MBOAT2: variants seen among roughly 807,000 people sequenced by gnomAD.
The protein encoded by MBOAT2 is membrane-bound glycerophospholipid O-acyltransferase 2.
In MBOAT2, 28 loss-of-function variants were observed where a neutral mutation model predicts 63.4. The ratio of observed to expected loss-of-function variants is 0.44; its 90% CI spans 0.33 to 0.61. The LOEUF is 0.61. Among genes scored for constraint, MBOAT2 ranks in the 20% least tolerant of loss-of-function variants. The pLI is 0.03. For synonymous variants in MBOAT2, 211 were observed against 215.6 expected (o/e 0.98, Z 0.19); for missense variants, 470 against 605.8 (o/e 0.78, Z 2.35).
At chr2:8,868,586 C>T (rs773255674) in intron 8 of MBOAT2, 37 bp from the exon 9 acceptor site, 2 of 1,502,362 alleles carry the variant, frequency 1.3e-6, no homozygotes, top group Non-Finnish European at 1.8e-6. Context: ...TATTAAGAAT[C>T]TCCATAACAA....
Position 8,943,165 on chromosome 2 carries a change from T to C in MBOAT2, c.299+22A>G, listed in dbSNP as rs748587899. 7.8e-6 allele frequency: 11 copies of C among 1,411,970 alleles called. No individual in the cohort carries two copies. In the African/African-American group the frequency reaches 1.3e-4, roughly 17 times the overall value. The allele number at this position is 1,411,970 out of a possible 1,614,324, so 87.5% of individuals were successfully genotyped here. A position where few individuals can be genotyped will look rare whatever the true frequency, so the allele number is the denominator to read the frequency against. On this transcript the variant is annotated intron_variant, in intron 3 of 12. Transcript: ENST00000305997. ...TATTCAAGTGAAATATATATTTTCA[T>C]GTGAACAAAGTGAATACTTACTTGT...
intron 12 of MBOAT2, among the ~76,000 whole-genome samples, chr2:8,859,731 C>T (rs916340717): frequency 6.6e-6 from 1 of 151,946 alleles, no homozygotes; most frequent in Non-Finnish European, 1.5e-5. Context: ...TAAAATATCA[C>T]CATCTAATAT....
chr2:8,934,917 C>T (rs983421831), intron 3 of MBOAT2, among the ~76,000 whole-genome samples: 2 of 152,164 alleles, frequency 1.3e-5, no homozygotes, highest in African/African-American at 4.8e-5. Context: ...ATCATTCATT[C>T]CCAGTAGAGT....
chr2:8,903,920 T>G (rs1455735955), intron 4 of MBOAT2, among the ~76,000 whole-genome samples: 2 of 152,192 alleles, frequency 1.3e-5, no homozygotes, highest in Non-Finnish European at 2.9e-5. Context: ...ACTCCACAAT[T>G]TTACCTGCAT....
At chr2:8,955,088 G>C (rs1214591037) in intron 2 of MBOAT2, among the ~76,000 whole-genome samples, 1 of 152,194 alleles carries the variant, frequency 6.6e-6, no homozygotes, top group Non-Finnish European at 1.5e-5. Context: ...CACAATTCTG[G>C]CTATGGAGGC....
chr2:8,949,626 A>G (rs1558647667), intron 2 of MBOAT2, among the ~76,000 whole-genome samples: 1 of 151,884 alleles, frequency 6.6e-6, no homozygotes, highest in Non-Finnish European at 1.5e-5. Context: ...ATTTTTGTCA[A>G]TTTTGTTGAC....
chr2:8,949,123 T>C (rs1428247361), intron 2 of MBOAT2, among the ~76,000 whole-genome samples: 1 of 152,244 alleles, frequency 6.6e-6, no homozygotes, highest in African/African-American at 2.4e-5. Flanking sequence ...GTTGAACACT[T>C]GTATGTCTTC....
At chr2:8,888,160 T>G (rs1663703065) in intron 4 of MBOAT2, 87 bp from the exon 5 acceptor site, 1 of 1,237,530 alleles carries the variant, frequency 8.1e-7, no homozygotes, top group African/African-American at 1.5e-5. Flanking sequence ...TTATTCTGCT[T>G]TTATCACTAC....
chr2:8,937,562 G>C (rs570268201), intron 3 of MBOAT2, among the ~76,000 whole-genome samples: 23 of 152,310 alleles, frequency 1.5e-4, no homozygotes, highest in Non-Finnish European at 2.9e-4. Context: ...ATTTGTCCTA[G>C]ATTGAGACAT....
chr2:8,860,899 A>C (rs1445260538), intron 11 of MBOAT2, 135 bp from the exon 12 acceptor site: 3 of 661,572 alleles, frequency 4.5e-6, no homozygotes, highest in Non-Finnish European at 7.6e-6. Context: ...GTGGGAATGT[A>C]CACTGCTACT....
In MBOAT2 at chr2:8,854,291, G is replaced by A. The variant is rs1475505945; in HGVS notation, c.*4388C>T. On this transcript the variant is annotated 3_prime_UTR_variant, in exon 13 of 13. Transcript: ENST00000305997. ...CAAGAAACCCACTTTTACAAGGGCT[G>A]GAGAAAACAGAAATTTCAGCATCTA... 1 of 152,188 alleles carries A rather than the reference G, an allele frequency of 6.6e-6. No individual in the cohort carries two copies. The highest frequency in any genetic ancestry group is 1.9e-4 in the East Asian group (1 of 5,200). The allele number at this position is 152,188 out of a possible 1,614,324, so 9.4% of individuals were successfully genotyped here.
At chr2:8,938,261 T>C (rs558644169) in intron 3 of MBOAT2, among the ~76,000 whole-genome samples, 34 of 152,290 alleles carry the variant, frequency 2.2e-4, no homozygotes, top group African/African-American at 8.2e-4. Flanking sequence ...GACAAGAGGA[T>C]TGTTACACAA....
At chr2:8,986,471 G>A (rs1487069641) in intron 1 of MBOAT2, among the ~76,000 whole-genome samples, 2 of 152,018 alleles carry the variant, frequency 1.3e-5, no homozygotes, top group Non-Finnish European at 2.9e-5. Context: ...ACTGAGGTGG[G>A]AGGATCACTT....
intron 9 of MBOAT2, among the ~76,000 whole-genome samples, 195 bp downstream of exon 9, chr2:8,868,251 T>C (rs1415949407): frequency 6.6e-6 from 1 of 152,204 alleles, no homozygotes; most frequent in African/African-American, 2.4e-5. Flanking sequence ...AGGGCCTGAA[T>C]TGCACCTATC....
chr2:8,959,508 C>G (rs1416594387), intron 1 of MBOAT2, among the ~76,000 whole-genome samples: 2 of 150,396 alleles, frequency 1.3e-5, no homozygotes, highest in Non-Finnish European at 3.0e-5. Flanking sequence ...GTGGCCCAGG[C>G]TGGACTGCAG....
At chr2:8,880,903 T>A (rs1175540174) in intron 6 of MBOAT2, among the ~76,000 whole-genome samples, 1 of 152,110 alleles carries the variant, frequency 6.6e-6, no homozygotes, top group Admixed American at 6.5e-5. Context: ...AAAACCTGAA[T>A]GCAGGGGGCT....
At chr2:8,965,014 T>C (rs1410974795) in intron 1 of MBOAT2, among the ~76,000 whole-genome samples, 1 of 152,230 alleles carries the variant, frequency 6.6e-6, no homozygotes, top group African/African-American at 2.4e-5. Flanking sequence ...CTTAGTCTTG[T>C]ATCTTTGTTT....
At chr2:8,893,004 A>T (rs1229304944) in intron 4 of MBOAT2, among the ~76,000 whole-genome samples, 2 of 149,344 alleles carry the variant, frequency 1.3e-5, no homozygotes, top group East Asian at 4.0e-4. Context: ...ACTTGGTTTT[A>T]AAAGAATATA....
rs182432628 is a variant in MBOAT2, at chr2:8,931,571, C to A, written c.299+11616G>T. Among the ~76,000 whole-genome samples the A allele has an allele frequency of 3.9e-3, 601 of 152,256 alleles. 2 individuals carry two copies. The highest frequency in any genetic ancestry group is 6.8e-3 in the Middle Eastern group (2 of 294). ...ACTCTGATGAGTTTCTTTTGCTGTGCAGAAGTTCTTTAGTTTAATTATATC... is the reference window on the plus strand; with the variant it reads ...ACTCTGATGAGTTTCTTTTGCTGTGAAGAAGTTCTTTAGTTTAATTATATC... On this transcript the variant is annotated intron_variant, in intron 3 of 12. Coordinates refer to ENST00000305997, the MANE Select transcript of MBOAT2 (RefSeq NM_138799.4).
Sources: gnomAD v4.1 joint callset for allele counts (sites outside exome capture counted in the v4.1 genomes callset) on GRCh38, gnomAD v4.1.1 for gene constraint, MANE v1.5 for transcripts, NCBI Gene and HGNC (gene_info 2026-07-23, HGNC 2026-07-21) for gene names.